Variants in FCHSD2 observed in about 807,000 individuals in gnomAD.
FCHSD2 encodes the protein FCH and double SH3 domains 2.
A neutral mutation model predicts 108.1 loss-of-function variants in FCHSD2; 38 were observed. That is an observed-to-expected ratio of 0.35 (90% CI 0.27 to 0.46). The LOEUF (loss-of-function observed/expected upper bound fraction) is 0.46, where lower values mean the gene tolerates loss of function less well. Ranked by LOEUF, FCHSD2 falls within the 20% of genes least tolerant of loss-of-function variation. The pLI is 1.00. For missense variants in FCHSD2, 751 were observed against 897.8 expected (o/e 0.84, Z 2.09); for synonymous variants, 279 against 314.7 (o/e 0.89, Z 1.20).
rs1861259827 is a variant in FCHSD2, at chr11:73,141,965, G to C, written c.-88C>G. On this transcript the variant is annotated 5_prime_UTR_variant, in exon 1 of 20. Transcript: ENST00000409418. ...GGGCCGGAGAGGAGGGGACGGCCCA[G>C]CGAGCGCGCGCGTGTGTGAAAGGAG... The C allele has an allele frequency of 1.5e-6, 2 of 1,317,500 alleles. No homozygotes were observed. Among genetic ancestry groups the C allele is most frequent in the Non-Finnish European group, 2.1e-6 (2 of 960,552 alleles). 81.6% of individuals were successfully genotyped at this position (1,317,500 alleles called of 1,614,324 possible). A position where few individuals can be genotyped will look rare whatever the true frequency, so the allele number is the denominator to read the frequency against.
chr11:72,849,860 G>T lies in FCHSD2; in HGVS notation c.1338C>A (p.Gly446=). Residue 446 remains glycine, a synonymous_variant, in exon 14 of 20, where the codon GGC becomes GGA. Transcript: ENST00000409418. ...CATCCATGTTATCTTCAAACTCTTC[G>T]CCTTCTTCTCTTTCGGTATCTGCAT... ...SLNADTEREE[G]EEFEDNMDVF... The T allele has an allele frequency of 1.2e-6, 2 of 1,613,134 alleles. No individual in the cohort carries two copies. The highest frequency in any genetic ancestry group is 1.7e-6 in the Non-Finnish European group (2 of 1,179,202).
At chr11:73,023,222 C>A (rs900348329) in intron 3 of FCHSD2, among the ~76,000 whole-genome samples, 2 of 151,944 alleles carry the variant, frequency 1.3e-5, no homozygotes, top group Non-Finnish European at 2.9e-5. Context: ...ACTCTTTCTT[C>A]TGGAAAAGAC....
intron 3 of FCHSD2, among the ~76,000 whole-genome samples, chr11:73,081,612 C>T (rs1020005313): frequency 4.6e-5 from 7 of 151,858 alleles, no homozygotes; most frequent in East Asian, 1.9e-4. Context: ...CTGCAATCTC[C>T]GGCTCCAGGG....
At chr11:72,868,681 ACT>A (rs1311341296) in intron 12 of FCHSD2, among the ~76,000 whole-genome samples, 3 of 150,136 alleles carry the variant, frequency 2.0e-5, no homozygotes, top group Non-Finnish European at 3.0e-5. Context: ...ACAGAGCAAG[ACT>A]CTGTTAAAAA....
intron 3 of FCHSD2, among the ~76,000 whole-genome samples, chr11:73,041,271 T>A (rs1387025773): frequency 1.3e-5 from 2 of 152,172 alleles, no homozygotes; most frequent in Non-Finnish European, 2.9e-5. Flanking sequence ...GATCATACGG[T>A]AGTTCTATTT....
chr11:72,858,817 C>T (rs1291852141), intron 13 of FCHSD2, among the ~76,000 whole-genome samples: 2 of 152,154 alleles, frequency 1.3e-5, no homozygotes, highest in African/African-American at 4.8e-5. Context: ...TGGATTTGTG[C>T]TTCCAGGCAA....
intron 8 of FCHSD2, among the ~76,000 whole-genome samples, chr11:72,966,999 C>T (rs926984147): frequency 6.6e-6 from 1 of 151,924 alleles, no homozygotes; most frequent in African/African-American, 2.4e-5. Flanking sequence ...GAGATTGAGA[C>T]CATCCTGGCT....
chr11:73,133,664 C>T lies in FCHSD2; in HGVS notation c.119+6367G>A, dbSNP rs144784879. ...TTGAAAAATTAGCTGGGTACGGTGG[C>T]GGGCACCTATAATCCCAGCTACTCA... On this transcript the variant is annotated intron_variant, in intron 2 of 19. Transcript: ENST00000409418. Among the ~76,000 whole-genome samples, 1,184 of 151,880 alleles carry T rather than the reference C, an allele frequency of 7.8e-3. 13 individuals are homozygous for T. The highest frequency in any genetic ancestry group is 0.027 in the African/African-American group (1,103 of 41,424).
intron 8 of FCHSD2, among the ~76,000 whole-genome samples, chr11:72,942,352 G>T (rs1354030172): frequency 6.6e-6 from 1 of 152,222 alleles, no homozygotes; most frequent in Non-Finnish European, 1.5e-5. Context: ...CAGTCTGCAG[G>T]ACTGTGAGCC....
chr11:73,114,995 GC>G lies in FCHSD2; in HGVS notation c.119+25035del, dbSNP rs139864836. Reference sequence around the variant, plus strand: ...TGAGCCCAGCTCAGCACAAAGACTTGCCTAAGAATTGGAGTCCTAGTGTCTT... The same window carrying G: ...TGAGCCCAGCTCAGCACAAAGACTTGCTAAGAATTGGAGTCCTAGTGTCTT... On this transcript the variant is annotated intron_variant, in intron 2 of 19. Transcript: ENST00000409418. 9.1e-3 allele frequency among the ~76,000 whole-genome samples: 1,378 copies of G among 152,244 alleles called. 22 individuals are homozygous for G. The highest frequency in any genetic ancestry group is 0.03 in the African/African-American group (1,256 of 41,526).
At chr11:72,924,474 G>A (rs373277761) in intron 8 of FCHSD2, among the ~76,000 whole-genome samples, 2 of 150,924 alleles carry the variant, frequency 1.3e-5, no homozygotes, top group South Asian at 4.2e-4. Context: ...AGTAGAGACG[G>A]GGTTTCACCG....
chr11:73,092,549 T>C (rs553264153), intron 2 of FCHSD2, among the ~76,000 whole-genome samples: 1 of 152,334 alleles, frequency 6.6e-6, no homozygotes, highest in South Asian at 2.1e-4. Context: ...ATTTATATGT[T>C]TGGCACAGTG....
At chr11:72,972,035 T>C (rs1857016162) in intron 8 of FCHSD2, among the ~76,000 whole-genome samples, 1 of 152,198 alleles carries the variant, frequency 6.6e-6, no homozygotes, top group Admixed American at 6.5e-5. Context: ...TTATTGTATA[T>C]TAATTGTACC....
intron 10 of FCHSD2, chr11:72,900,232 C>T (rs1342677076): frequency 1.4e-5 from 18 of 1,320,854 alleles, no homozygotes; most frequent in East Asian, 2.5e-5. Context: ...CCATCCCTCC[C>T]GCCCTTGACC....
At chr11:72,840,783 A>G in intron 19 of FCHSD2, 94 bp downstream of exon 19, 1 of 881,926 alleles carries the variant, frequency 1.1e-6, no homozygotes, top group Non-Finnish European at 1.8e-6. Context: ...TGGCATAGTC[A>G]GTAACAACAC....
At chr11:73,098,923 A>G (rs1164195244) in intron 2 of FCHSD2, among the ~76,000 whole-genome samples, 1 of 152,238 alleles carries the variant, frequency 6.6e-6, no homozygotes, top group Non-Finnish European at 1.5e-5. Context: ...AACTTCATCA[A>G]AATTTAAATC....
At chr11:72,958,697 AG>A (rs1228872556) in intron 8 of FCHSD2, among the ~76,000 whole-genome samples, 10 of 152,232 alleles carry the variant, frequency 6.6e-5, no homozygotes, top group African/African-American at 2.4e-4. Flanking sequence ...CTTCAGAGAA[AG>A]GTCTCTTATC....
At chr11:72,965,682 C>T (rs1211162903) in intron 8 of FCHSD2, among the ~76,000 whole-genome samples, 1 of 152,150 alleles carries the variant, frequency 6.6e-6, no homozygotes, top group Admixed American at 6.5e-5. Context: ...GCATTTCCAA[C>T]ACCTCAGAAG....
At chr11:72,907,596 T>TA (rs1249183869) in intron 9 of FCHSD2, among the ~76,000 whole-genome samples, 1 of 83,834 alleles carries the variant, frequency 1.2e-5, no homozygotes, top group Admixed American at 1.7e-4. Flanking sequence ...GATAATCACG[T>TA]GGGTTTTTTT....
Sources: allele counts gnomAD v4.1 joint callset (sites outside exome capture counted in the v4.1 genomes callset), GRCh38; gene constraint gnomAD v4.1.1; transcripts MANE v1.5; gene names NCBI Gene and HGNC (gene_info 2026-07-23, HGNC 2026-07-21).